The following PRODH2 variants were observed in gnomAD, a reference collection of about 807,000 sequenced individuals.
PRODH2 encodes the protein hydroxyproline dehydrogenase.
In PRODH2, 49 loss-of-function variants were observed where a neutral mutation model predicts 51.9. That is an observed-to-expected ratio of 0.94 (90% CI 0.75 to 1.20). The LOEUF (loss-of-function observed/expected upper bound fraction) is 1.20. Among genes scored for constraint, PRODH2 ranks in the 50% most tolerant of loss-of-function variants. The pLI is 0.00. For missense variants in PRODH2, 597 were observed against 610.9 expected (o/e 0.98, Z 0.24); for synonymous variants, 249 against 260.7 (o/e 0.96, Z 0.43).
intron 7 of PRODH2, among the ~76,000 whole-genome samples, chr19:35,804,027 G>A (rs1413823977): frequency 6.6e-6 from 1 of 152,104 alleles, no homozygotes; most frequent in African/African-American, 2.4e-5. Flanking sequence ...GGAGTCATGT[G>A]CAGGAAGGAG....
intron 4 of PRODH2, among the ~76,000 whole-genome samples, 184 bp from the exon 5 acceptor site, chr19:35,807,305 T>C (rs1972529807): frequency 6.6e-6 from 1 of 152,112 alleles, no homozygotes; most frequent in Non-Finnish European, 1.5e-5. Flanking sequence ...CCTCAGTTTT[T>C]GTTTGTTTGT....
chr19:35,806,296 C>G, intron 7 of PRODH2, 134 bp downstream of exon 7: 1 of 1,131,004 alleles, frequency 8.8e-7, no homozygotes, highest in Non-Finnish European at 1.3e-6. Context: ...GTTGCCCAGG[C>G]TGGTCTCCAA....
Position 35,812,531 on chromosome 19 carries a change from A to C in PRODH2, c.200T>G (p.Leu67Arg). ...AAATGCGCCTGAGAGCCGGGAGCCC[A>C]GGAGTCGCCGAGACCAGGCCTGGAG... ...LLLQAWSRRL[L>R]GSRLSGAFLR... Residue 67 changes from leucine to arginine, a missense_variant, in exon 2 of 10, where the codon CTG (leucine) becomes CGG (arginine). Coordinates refer to ENST00000653904, the MANE Select transcript of PRODH2 (RefSeq NM_021232.2). 1 of 1,614,106 alleles carries C rather than the reference A, an allele frequency of 6.2e-7. No homozygotes were observed. Among genetic ancestry groups the C allele is most frequent in the Middle Eastern group, 1.6e-4 (1 of 6,062 alleles).
chr19:35,803,169 T>G, intron 7 of PRODH2, 91 bp from the exon 8 acceptor site: 1 of 777,836 alleles, frequency 1.3e-6, no homozygotes, highest in Non-Finnish European at 2.0e-6. Context: ...GCAAGGGGTC[T>G]CTGGAACCAG....
intron 7 of PRODH2, 60 bp from the exon 8 acceptor site, chr19:35,803,138 G>A (rs1599818012): frequency 8.2e-7 from 1 of 1,212,314 alleles, no homozygotes; most frequent in Non-Finnish European, 1.1e-6. Flanking sequence ...CCAGCGACTG[G>A]GGTGGGTGGG....
chr19:35,809,873 C>T (rs1384228600), intron 4 of PRODH2, among the ~76,000 whole-genome samples: 1 of 138,284 alleles, frequency 7.2e-6, no homozygotes, highest in African/African-American at 2.8e-5. Context: ...GCAGGAGAAT[C>T]GTTTGAACCC....
chr19:35,809,958 CAAAAAAAAAAAA>C (rs1175392997), intron 4 of PRODH2, among the ~76,000 whole-genome samples: 516 of 12,828 alleles, frequency 0.04, 12 homozygotes, highest in Non-Finnish European at 0.048. Context: ...GATGCCGCTT[CAAAAAAAAAAAA>C]AAAAAAAAAA....
intron 4 of PRODH2, among the ~76,000 whole-genome samples, chr19:35,809,976 A>AC (rs1972580991): frequency 1.5e-5 from 2 of 135,758 alleles, no homozygotes; most frequent in African/African-American, 2.7e-5. Flanking sequence ...AAAAAAAAAA[A>AC]AAAAAAAAAC....
chr19:35,801,121 C>A (rs549818389), intron 9 of PRODH2, among the ~76,000 whole-genome samples: 1 of 151,538 alleles, frequency 6.6e-6, no homozygotes, highest in African/African-American at 2.4e-5. Flanking sequence ...GAGCTGAGAT[C>A]GTGCCACTGC....
chr19:35,809,981 A>AAAC (rs1568442983), intron 4 of PRODH2, among the ~76,000 whole-genome samples: 3 of 133,496 alleles, frequency 2.2e-5, no homozygotes, highest in African/African-American at 9.2e-5. Flanking sequence ...AAAAAAAAAA[A>AAAC]AAAACGCTGG....
chr19:35,802,420 C>T (rs1972447341), intron 8 of PRODH2, 144 bp from the exon 9 acceptor site: 2 of 752,652 alleles, frequency 2.7e-6, no homozygotes, highest in Non-Finnish European at 4.5e-6. Context: ...CAGTCCTTTG[C>T]ATTCCTTGAA....
At chr19:35,801,898 G>C in intron 9 of PRODH2, 1 of 377,024 alleles carries the variant, frequency 2.7e-6, no homozygotes, top group Non-Finnish European at 4.9e-6. Flanking sequence ...AAGTGATTTC[G>C]TTCTGCTTAG....
At position 35,812,560 on chromosome 19, in the gene PRODH2, G is replaced by T. The variant is rs781169896; in HGVS notation, c.175-4C>A. The T allele has an allele frequency of 1.2e-6, 2 of 1,613,140 alleles. No homozygotes were observed. Among genetic ancestry groups the T allele is most frequent in the South Asian group, 2.2e-5 (2 of 91,018 alleles). On this transcript the variant is annotated splice_region_variant and splice_polypyrimidine_tract_variant and intron_variant, in intron 1 of 9. Coordinates refer to ENST00000653904, the MANE Select transcript of PRODH2 (RefSeq NM_021232.2). Reference sequence around the variant, plus strand: ...GTCGCCGAGACCAGGCCTGGAGCTGGGTGACAGGGAGCGAGGGCTCAGCGC... The same window carrying T: ...GTCGCCGAGACCAGGCCTGGAGCTGTGTGACAGGGAGCGAGGGCTCAGCGC...
intron 7 of PRODH2, among the ~76,000 whole-genome samples, chr19:35,805,861 C>G (rs1169324539): frequency 6.6e-6 from 1 of 152,104 alleles, no homozygotes; most frequent in Non-Finnish European, 1.5e-5. Context: ...AAGTAAAGAT[C>G]TAAGGAGGTG....
At chr19:35,806,198 A>C (rs1599819997) in intron 7 of PRODH2, among the ~76,000 whole-genome samples, 1 of 151,780 alleles carries the variant, frequency 6.6e-6, no homozygotes, top group African/African-American at 2.4e-5. Flanking sequence ...TGATCCTCCC[A>C]CCTCAGCCTC....
chr19:35,805,702 G>A (rs1972500187), intron 7 of PRODH2, among the ~76,000 whole-genome samples: 1 of 152,182 alleles, frequency 6.6e-6, no homozygotes, highest in African/African-American at 2.4e-5. Context: ...ACACCACTGT[G>A]CCTGGCTTGG....
chr19:35,803,116 G>C lies in PRODH2; in HGVS notation c.1002-38C>G. 3 of 1,439,488 alleles carry C rather than the reference G, an allele frequency of 2.1e-6. No individual in the cohort carries two copies. The African/African-American group carries it at 4.2e-5, about 20-fold the overall frequency. 89.2% of individuals were successfully genotyped at this position (1,439,488 alleles called of 1,614,324 possible). ...GCTCTGTTCAGCTCACCTGGTGAGC[G>C]AGGGTCAGGCCCCAGCGACTGGGGT... On this transcript the variant is annotated intron_variant, in intron 7 of 9. Coordinates refer to ENST00000653904, the MANE Select transcript of PRODH2 (RefSeq NM_021232.2).
chr19:35,806,495 T>A lies in PRODH2; in HGVS notation c.936A>T (p.Arg312Ser). 6.2e-7 allele frequency: 1 copy of A among 1,614,028 alleles called. No individual in the cohort carries two copies. The highest frequency in any genetic ancestry group is 8.5e-7 in the Non-Finnish European group (1 of 1,180,020). Residue 312 changes from arginine to serine, a missense_variant, in exon 7 of 10, where the codon AGA (arginine) becomes AGT (serine). By Grantham distance (110) the Arg-to-Ser change is moderately radical. Transcript: ENST00000653904. ...CCATCCCATGGAGCTGGGCCACCGC[T>A]CTCTCCTTGTCCAGATATGCACCTC... The part of the protein sequence containing the change: ...LVRGAYLDKE[R>S]AVAQLHGMED...
At chr19:35,802,433 TC>T in intron 8 of PRODH2, 157 bp from the exon 9 acceptor site, 1 of 698,112 alleles carries the variant, frequency 1.4e-6, no homozygotes, top group South Asian at 1.7e-5. Context: ...TCCTTGAAGG[TC>T]CCCCAGTGAC....
Sources: allele counts gnomAD v4.1 joint callset (sites outside exome capture counted in the v4.1 genomes callset), GRCh38; gene constraint gnomAD v4.1.1; transcripts MANE v1.5; gene names NCBI Gene and HGNC (gene_info 2026-07-23, HGNC 2026-07-21).